Variants in ALDH1L1 observed in about 807,000 individuals in gnomAD.
The protein encoded by ALDH1L1 is aldehyde dehydrogenase 1 family member L1.
Under a neutral mutation model 101.1 loss-of-function variants are expected in ALDH1L1, and 68 were observed. The observed-to-expected ratio is 0.67, with a 90% CI of 0.55 to 0.82. The LOEUF (loss-of-function observed/expected upper bound fraction) is 0.82, where lower values mean the gene tolerates loss of function less well. ALDH1L1 is among the 40% of genes least tolerant of loss of function. ALDH1L1 has a pLI of 0.00. For missense variants in ALDH1L1, 1,087 were observed against 1,172.7 expected (o/e 0.93, Z 1.07); for synonymous variants, 486 against 470.8 (o/e 1.03, Z -0.42).
At chr3:126,180,831 A>C, upstream of ALDH1L1, 2 of 1,543,088 alleles carry the variant, frequency 1.3e-6, no homozygotes. Context: ...CAGGGCTTTG[A>C]AAAGTCCCAA....
At chr3:126,132,820 C>T (rs2080342563) in intron 12 of ALDH1L1, among the ~76,000 whole-genome samples, 1 of 152,228 alleles carries the variant, frequency 6.6e-6, no homozygotes, top group Non-Finnish European at 1.5e-5. Context: ...CACTGGAATC[C>T]AGGCTGCAGG....
rs372523980 is a variant in ALDH1L1, at chr3:126,124,424, C to A, written c.1828G>T (p.Ala610Ser). The A allele has an allele frequency of 6.2e-7, 1 of 1,612,400 alleles. No individual in the cohort carries two copies. Among genetic ancestry groups the A allele is most frequent in the South Asian group, 1.1e-5 (1 of 90,656 alleles). The change falls in exon 16 of 23, where the codon GCA (alanine) becomes TCA (serine). Residue 610 changes from alanine to serine, a missense_variant. Ala to Ser is a moderately conservative substitution (Grantham distance 99). Around this residue, in one of 2 missense-constraint regions of ALDH1L1, gnomAD observed 442 missense variants for 535.7 expected, o/e 0.83. Coordinates refer to ENST00000393434, the MANE Select transcript of ALDH1L1 (RefSeq NM_012190.4). ...ATGCCGGCCTTTAATGTCAGCTCTG[C>A]AAACTTCAAGGCTGTGAGTGGGGTC... ...QVTPLTALKF[A>S]ELTLKAGIPK... is the part of the protein sequence containing the mutation.
Position 126,158,485 on chromosome 3 carries a change from T to G in ALDH1L1, c.282A>C (p.Ile94=). 1 of 1,614,126 alleles carries G rather than the reference T, an allele frequency of 6.2e-7. No homozygotes were observed. The highest frequency in any genetic ancestry group is 8.5e-7 in the Non-Finnish European group (1 of 1,179,992). The change falls in exon 3 of 23, where the codon ATA becomes ATC. Residue 94 remains isoleucine (I), a synonymous_variant. Coordinates refer to ENST00000393434, the MANE Select transcript of ALDH1L1 (RefSeq NM_012190.4). ...PFCSQFIPME[I]ISAPRHGSII... is the part of the protein sequence containing the mutation. ...TGGAGCCATGCCGGGGGGCACTGAT[T>G]ATCTCCATGGGGATGAATTGGCTGC... is the stretch of plus-strand genomic sequence containing the variant.
intron 1 of ALDH1L1, chr3:126,179,987 T>G (rs1263437836): frequency 6.6e-6 from 1 of 152,186 alleles, no homozygotes; most frequent in Non-Finnish European, 1.5e-5. Context: ...CAAGAGGCCC[T>G]CGTGCCAGGC....
intron 7 of ALDH1L1, chr3:126,150,810 G>C: frequency 3.3e-6 from 1 of 307,354 alleles, no homozygotes. Context: ...CATCCACCTT[G>C]GCCTCCCAAA....
At chr3:126,124,678 C>G (rs148761883) in intron 15 of ALDH1L1, among the ~76,000 whole-genome samples, 2 of 152,296 alleles carry the variant, frequency 1.3e-5, no homozygotes, top group East Asian at 3.9e-4. Context: ...CATCTGGTGC[C>G]CTAGCTTCTC....
intron 6 of ALDH1L1, 102 bp from the exon 7 acceptor site, chr3:126,153,683 G>C: frequency 7.0e-7 from 1 of 1,437,900 alleles, no homozygotes; most frequent in South Asian, 1.4e-5. Flanking sequence ...AGAGGGGCCA[G>C]GGGTAGCTGA....
At chr3:126,111,857 G>A (rs570117504) in intron 19 of ALDH1L1, among the ~76,000 whole-genome samples, 4 of 152,326 alleles carry the variant, frequency 2.6e-5, no homozygotes, top group Non-Finnish European at 4.4e-5. Context: ...CTTCGCGGAA[G>A]CTAAGCCAAC....
At position 126,125,725 on chromosome 3, in the gene ALDH1L1, C is replaced by T. The variant is rs1424553269; in HGVS notation, c.1695-4G>A. On this transcript the variant is annotated splice_region_variant and splice_polypyrimidine_tract_variant and intron_variant, in intron 14 of 22. Transcript: ENST00000393434. Reference sequence around the variant, plus strand: ...GGGGATGATGATGCCACAAACCCTGCCACACAAAAGAGGTTGGCCTTTGTC... The same window carrying T: ...GGGGATGATGATGCCACAAACCCTGTCACACAAAAGAGGTTGGCCTTTGTC... 1 of 1,543,142 alleles carries T rather than the reference C, an allele frequency of 6.5e-7. No homozygotes were observed. Among genetic ancestry groups the T allele is most frequent in the Non-Finnish European group, 8.8e-7 (1 of 1,139,960 alleles).
chr3:126,157,579 G>T, intron 3 of ALDH1L1, 71 bp from the exon 4 acceptor site: 1 of 1,519,388 alleles, frequency 6.6e-7, no homozygotes, highest in Non-Finnish European at 8.9e-7. Context: ...GTACAGGCCC[G>T]TGGACCTGCC....
At chr3:126,188,523 A>G (rs973388960) in intron 1 of ALDH1L1, among the ~76,000 whole-genome samples, 14 of 152,330 alleles carry the variant, frequency 9.2e-5, no homozygotes, top group African/African-American at 2.9e-4. Flanking sequence ...TCTCCAAATC[A>G]GTAGCCTCCT....
intron 7 of ALDH1L1, chr3:126,151,139 A>G (rs2080799648): frequency 6.6e-6 from 1 of 152,196 alleles, no homozygotes; most frequent in Non-Finnish European, 1.5e-5. Flanking sequence ...TATTACTTCT[A>G]TAAAAAAGGA....
At chr3:126,178,778 A>G (rs371539687) in intron 1 of ALDH1L1, among the ~76,000 whole-genome samples, 2 of 151,590 alleles carry the variant, frequency 1.3e-5, no homozygotes, top group African/African-American at 4.9e-5. Context: ...CTGTGTGTGC[A>G]TGCGTGTGTT....
chr3:126,158,779 G>T, intron 2 of ALDH1L1, 140 bp from the exon 3 acceptor site: 2 of 766,298 alleles, frequency 2.6e-6, no homozygotes, highest in African/African-American at 1.7e-5. Context: ...GCTCCACTGG[G>T]CAACACAGAC....
chr3:126,191,538 C>T (rs9862438), intron 1 of ALDH1L1, among the ~76,000 whole-genome samples: 54,154 of 152,112 alleles, frequency 0.36, 10,390 homozygotes, highest in Middle Eastern at 0.49. Context: ...CCTGACTGCC[C>T]TCCCATGGTG....
chr3:126,138,052 A>G lies in ALDH1L1; in HGVS notation c.1077-92T>C, dbSNP rs2080488945. On this transcript the variant is annotated intron_variant, in intron 9 of 22. Transcript: ENST00000393434. ...GTGGCAGTGGGGCCAAACACCCCAG[A>G]GAGGCTCCATCCCAGCACCGAGAGG... 6.6e-6 allele frequency: 10 copies of G among 1,510,920 alleles called. No homozygotes were observed. The Admixed American group carries it at 8.9e-5, about 14-fold the overall frequency. 93.6% of individuals were successfully genotyped at this position (1,510,920 alleles called of 1,614,324 possible). A position where few individuals can be genotyped will look rare whatever the true frequency, so the allele number is the denominator to read the frequency against.
chr3:126,130,297 G>A lies in ALDH1L1; in HGVS notation c.1624-4C>T. ...GGTTGATGGGGATGGTGGAGCCCTG[G>A]AAGAGGAACAGGGGCAGTCACCCAG... On this transcript the variant is annotated splice_region_variant and splice_polypyrimidine_tract_variant and intron_variant, in intron 13 of 22. Coordinates refer to ENST00000393434, the MANE Select transcript of ALDH1L1 (RefSeq NM_012190.4). 6.2e-7 allele frequency: 1 copy of A among 1,607,298 alleles called. No homozygotes were observed. Among genetic ancestry groups the A allele is most frequent in the South Asian group, 1.1e-5 (1 of 89,750 alleles).
intron 16 of ALDH1L1, among the ~76,000 whole-genome samples, chr3:126,120,297 C>G (rs1247527276): frequency 3.3e-5 from 5 of 152,176 alleles, no homozygotes; most frequent in African/African-American, 1.2e-4. Context: ...TCAGTGCTAA[C>G]AAGAAATGAG....
At chr3:126,156,714 T>A (rs2080914770) in intron 4 of ALDH1L1, 1 of 152,234 alleles carries the variant, frequency 6.6e-6, no homozygotes, top group Non-Finnish European at 1.5e-5. Context: ...GGTCACGGCC[T>A]TCCCAGCAGG....
Sources: gnomAD v4.1 joint callset for allele counts (sites outside exome capture counted in the v4.1 genomes callset) on GRCh38, gnomAD v4.1.1 for gene constraint, gnomAD v4.1.1 regional missense constraint, MANE v1.5 for transcripts, NCBI Gene and HGNC (gene_info 2026-07-23, HGNC 2026-07-21) for gene names.